Variants in SLC22A24 observed in about 807,000 individuals in gnomAD.
SLC22A24 encodes solute carrier family 22 member 24.
In SLC22A24, 53 loss-of-function variants were observed where a neutral mutation model predicts 49.8. The ratio of observed to expected loss-of-function variants is 1.06; its 90% confidence interval spans 0.85 to 1.34. The LOEUF (loss-of-function observed/expected upper bound fraction) is 1.34, where lower values mean the gene tolerates loss of function less well. Among genes scored for constraint, SLC22A24 ranks in the 40% most tolerant of loss-of-function variants. The pLI is 0.00. For synonymous variants in SLC22A24, 302 were observed against 256.4 expected (o/e 1.18, Z -1.70); for missense variants, 786 against 675.9 (o/e 1.16, Z -1.81).
At chr11:63,111,494 T>G (rs1016578675) in intron 4 of SLC22A24, among the ~76,000 whole-genome samples, 1 of 152,076 alleles carries the variant, frequency 6.6e-6, no homozygotes, top group Non-Finnish European at 1.5e-5. Context: ...TCTTTTTGGT[T>G]GGTAAGCTAT....
intron 6 of SLC22A24, among the ~76,000 whole-genome samples, chr11:63,087,022 G>GCACACACACACACA (rs150730400): frequency 3.3e-4 from 4 of 12,098 alleles, no homozygotes; most frequent in African/African-American, 6.1e-4. Context: ...TGCCTGGAGG[G>GCACACACACACACA]CGCACACACA....
chr11:63,127,135 C>G (rs1049612984), intron 2 of SLC22A24, among the ~76,000 whole-genome samples: 4 of 152,166 alleles, frequency 2.6e-5, no homozygotes, highest in East Asian at 3.9e-4. Context: ...CCCAGCCCCC[C>G]ACTCCCTGAC....
chr11:63,093,026 C>A (rs2087030444), intron 6 of SLC22A24, among the ~76,000 whole-genome samples: 1 of 152,020 alleles, frequency 6.6e-6, no homozygotes, highest in Non-Finnish European at 1.5e-5. Context: ...AAAAAGTGGG[C>A]AAAGGACATG....
At position 63,087,021 on chromosome 11, in the gene SLC22A24, G is replaced by GGCGC. The variant is rs148778059; in HGVS notation, c.1071-3568_1071-3565dup. On this transcript the variant is annotated intron_variant, in intron 6 of 9. Transcript: ENST00000612278. ...ATGAATTAAGCTTTTCTGCCTGGAG[G>GGCGC]GCGCACACACACACACACACACACA... 5.4e-3 allele frequency among the ~76,000 whole-genome samples: 608 copies of GGCGC among 113,626 alleles called. 5 individuals are homozygous for GGCGC. The highest frequency in any genetic ancestry group is 0.017 in the Admixed American group (186 of 10,864). 74.5% of individuals were successfully genotyped at this position (113,626 alleles called of 152,430 possible).
intron 4 of SLC22A24, among the ~76,000 whole-genome samples, chr11:63,105,671 C>T (rs2087116480): frequency 6.6e-6 from 1 of 151,958 alleles, no homozygotes; most frequent in Non-Finnish European, 1.5e-5. Context: ...TGGTTTAGCC[C>T]AGTAAGTCAT....
chr11:63,083,538 T>C (rs2086971583), intron 6 of SLC22A24, 81 bp from the exon 7 acceptor site: 6 of 1,160,884 alleles, frequency 5.2e-6, no homozygotes, highest in Non-Finnish European at 7.3e-6. Context: ...TGAAGGTAAG[T>C]CCTACAAATG....
intron 4 of SLC22A24, among the ~76,000 whole-genome samples, chr11:63,118,048 A>T (rs1290924259): frequency 1.3e-5 from 2 of 152,162 alleles, no homozygotes; most frequent in Non-Finnish European, 2.9e-5. Flanking sequence ...ATGCCTTATG[A>T]GGGGAGCCTT....
intron 6 of SLC22A24, among the ~76,000 whole-genome samples, chr11:63,086,934 A>G (rs959616941): frequency 3.3e-5 from 5 of 151,930 alleles, no homozygotes; most frequent in Non-Finnish European, 5.9e-5. Flanking sequence ...GCTAACAGGG[A>G]ACTTTATAGT....
chr11:63,097,837 T>G (rs2087064979), intron 5 of SLC22A24, among the ~76,000 whole-genome samples: 1 of 151,930 alleles, frequency 6.6e-6, no homozygotes, highest in South Asian at 2.1e-4. Context: ...CCAAACACCA[T>G]GAGTTTTCAC....
intron 6 of SLC22A24, among the ~76,000 whole-genome samples, chr11:63,093,861 A>G (rs1437880323): frequency 6.6e-6 from 1 of 152,134 alleles, no homozygotes; most frequent in Non-Finnish European, 1.5e-5. Context: ...TTAAAAAAAT[A>G]AAATGCAAAT....
intron 2 of SLC22A24, among the ~76,000 whole-genome samples, chr11:63,134,099 A>G (rs998281388): frequency 5.3e-5 from 8 of 152,222 alleles, no homozygotes; most frequent in Non-Finnish European, 1.2e-4. Flanking sequence ...TTAGAGGTGC[A>G]ATGTCTTCCT....
chr11:63,085,112 C>T (rs868605729), intron 6 of SLC22A24, among the ~76,000 whole-genome samples: 6 of 151,528 alleles, frequency 4.0e-5, no homozygotes, highest in South Asian at 2.1e-4. Flanking sequence ...TCTCATTATT[C>T]GACATGAATT....
In SLC22A24 at chr11:63,126,942, C is replaced by T. The variant is rs1181193584; in HGVS notation, c.507-7607G>A. Among the ~76,000 whole-genome samples, 5 of 152,012 alleles carry T rather than the reference C, an allele frequency of 3.3e-5. No individual in the cohort carries two copies. The East Asian group carries it at 9.7e-4, about 29-fold the overall frequency. ...GAATGGGAGTTCACTCAGGATTTGG[C>T]TCTCAGTTTGTCTGTTATTGGTGTA... On this transcript the variant is annotated intron_variant, in intron 2 of 9. Coordinates refer to ENST00000612278, the MANE Select transcript of SLC22A24 (RefSeq NM_001136506.2).
intron 4 of SLC22A24, among the ~76,000 whole-genome samples, chr11:63,110,047 G>C (rs1378679508): frequency 6.6e-6 from 1 of 152,104 alleles, no homozygotes. Flanking sequence ...TAGGGATCCA[G>C]TTTCAGCTTT....
At chr11:63,111,723 A>G (rs1363376191) in intron 4 of SLC22A24, among the ~76,000 whole-genome samples, 6 of 151,654 alleles carry the variant, frequency 4.0e-5, no homozygotes, top group Non-Finnish European at 7.4e-5. Context: ...TATTGTGTCT[A>G]TTTGATTCTT....
chr11:63,110,917 G>C (rs4370942), intron 4 of SLC22A24, among the ~76,000 whole-genome samples: 4,396 of 151,244 alleles, frequency 0.029, 194 homozygotes, highest in African/African-American at 0.1. Flanking sequence ...GGGCATCCCT[G>C]TCTTGTGCCA....
intron 1 of SLC22A24, among the ~76,000 whole-genome samples, chr11:63,135,328 G>A (rs66862009): frequency 0.12 from 18,128 of 152,118 alleles, 1,217 homozygotes; most frequent in Middle Eastern, 0.16. Flanking sequence ...TAGATCCTGT[G>A]CCCAGAGGTT....
chr11:63,110,009 T>C (rs2087151138), intron 4 of SLC22A24, among the ~76,000 whole-genome samples: 1 of 152,204 alleles, frequency 6.6e-6, no homozygotes, highest in Non-Finnish European at 1.5e-5. Flanking sequence ...TAATCCATCT[T>C]GAATTGATTT....
intron 4 of SLC22A24, among the ~76,000 whole-genome samples, chr11:63,118,000 G>A (rs1201350225): frequency 6.6e-6 from 1 of 151,974 alleles, no homozygotes; most frequent in African/African-American, 2.4e-5. Flanking sequence ...TCAGACAGCT[G>A]TGACCTCAAA....
Sources: gnomAD v4.1 joint callset for allele counts (sites outside exome capture counted in the v4.1 genomes callset) on GRCh38, gnomAD v4.1.1 for gene constraint, MANE v1.5 for transcripts, NCBI Gene and HGNC (gene_info 2026-07-23, HGNC 2026-07-21) for gene names.